Variants in CDYL observed in about 807,000 individuals in gnomAD.
CDYL encodes chromodomain Y like.
CDYL carries 8 observed loss-of-function variants against 47.3 expected under a neutral mutation model. The observed-to-expected ratio is 0.17, with a 90% CI of 0.10 to 0.31. CDYL has a LOEUF of 0.31. Ranked by LOEUF, CDYL falls within the 10% of genes least tolerant of loss-of-function variation. The pLI is 1.00. For synonymous variants in CDYL, 266 were observed against 265.0 expected, an observed-to-expected ratio of 1.00 and a Z score of -0.04; for missense variants, 471 against 701.4, an observed-to-expected ratio of 0.67 and a Z score of 3.71.
intron 1 of CDYL, among the ~76,000 whole-genome samples, chr6:4,785,983 C>T (rs372246456): frequency 1.3e-5 from 2 of 152,312 alleles, no homozygotes; most frequent in East Asian, 3.9e-4. Context: ...AAAGAAAAGG[C>T]ATATGTTGCA....
intron 5 of CDYL, among the ~76,000 whole-genome samples, chr6:4,951,590 C>T (rs1420685185): frequency 6.6e-6 from 1 of 151,746 alleles, no homozygotes; most frequent in Non-Finnish European, 1.5e-5. Context: ...TGTAGCCAGC[C>T]CCTCAAGCAG....
chr6:4,859,478 G>A lies in CDYL; in HGVS notation c.25-32235G>A, dbSNP rs896763036. Among the ~76,000 whole-genome samples the A allele has an allele frequency of 3.3e-5, 5 of 152,118 alleles. No individual in the cohort carries two copies. In the East Asian group the frequency reaches 5.8e-4, roughly 18 times the overall value. On this transcript the variant is annotated intron_variant, in intron 1 of 6. Transcript: ENST00000397588. ...GCCACGGTCCCCTGGCAGAGCCAAC[G>A]GTGGTCTCCAGAGCGCTACCACACT...
At chr6:4,897,938 T>G (rs1762334345) in intron 2 of CDYL, among the ~76,000 whole-genome samples, 1 of 151,898 alleles carries the variant, frequency 6.6e-6, no homozygotes, top group Non-Finnish European at 1.5e-5. Context: ...GTGCCTGTAG[T>G]CCCAGCTACT....
chr6:4,837,248 A>G (rs896044977), intron 1 of CDYL, among the ~76,000 whole-genome samples: 1 of 152,254 alleles, frequency 6.6e-6, no homozygotes, highest in African/African-American at 2.4e-5. Flanking sequence ...ATAATTTATC[A>G]TTCAAATGGA....
chr6:4,811,951 C>T (rs771784198), intron 1 of CDYL, among the ~76,000 whole-genome samples: 8 of 152,176 alleles, frequency 5.3e-5, no homozygotes, highest in Non-Finnish European at 8.8e-5. Context: ...CCTTCCACAT[C>T]ATCTCCTGTG....
At chr6:4,887,672 C>G (rs1005905603) in intron 1 of CDYL, among the ~76,000 whole-genome samples, 3 of 151,964 alleles carry the variant, frequency 2.0e-5, no homozygotes, top group African/African-American at 7.3e-5. Context: ...ATTCAGATAC[C>G]TTTGTGTTTC....
intron 3 of CDYL, 108 bp downstream of exon 3, chr6:4,935,879 G>A: frequency 6.6e-7 from 1 of 1,520,676 alleles, no homozygotes. Context: ...ACCTCCTTTT[G>A]GGCCATCTCC....
chr6:4,858,960 G>A (rs1761088733), intron 1 of CDYL, among the ~76,000 whole-genome samples: 1 of 152,236 alleles, frequency 6.6e-6, no homozygotes, highest in South Asian at 2.1e-4. Flanking sequence ...TTAAATGTCA[G>A]CTACCTGCAG....
At chr6:4,910,034 CCT>C (rs1757363134) in intron 2 of CDYL, among the ~76,000 whole-genome samples, 1 of 46,426 alleles carries the variant, frequency 2.2e-5, no homozygotes, top group Non-Finnish European at 4.7e-5. Context: ...TACACACATA[CCT>C]TTTTTTTTTT....
chr6:4,786,896 A>G (rs191182933), intron 1 of CDYL, among the ~76,000 whole-genome samples: 3 of 152,122 alleles, frequency 2.0e-5, no homozygotes, highest in Admixed American at 1.3e-4. Context: ...ATTTTCAGCC[A>G]TCTGCCAGGT....
chr6:4,860,339 C>T (rs1761128305), intron 1 of CDYL, among the ~76,000 whole-genome samples: 3 of 151,686 alleles, frequency 2.0e-5, no homozygotes, highest in Non-Finnish European at 4.4e-5. Flanking sequence ...ATATTCCCCT[C>T]ACTCCCCCCT....
chr6:4,782,894 T>C (rs1758653895), intron 1 of CDYL, among the ~76,000 whole-genome samples: 1 of 152,232 alleles, frequency 6.6e-6, no homozygotes, highest in Admixed American at 6.5e-5. Context: ...GTTTAGAAGT[T>C]GTATGCTATT....
chr6:4,903,941 A>G (rs1283779127), intron 2 of CDYL, among the ~76,000 whole-genome samples: 1 of 152,186 alleles, frequency 6.6e-6, no homozygotes, highest in Non-Finnish European at 1.5e-5. Context: ...CATGTACCAC[A>G]TGGCAGGCAG....
intron 1 of CDYL, among the ~76,000 whole-genome samples, chr6:4,792,728 G>T (rs150239393): frequency 6.6e-6 from 1 of 152,128 alleles, no homozygotes; most frequent in Admixed American, 6.5e-5. Context: ...GAGCCACCGC[G>T]CCTGGCTTCT....
intron 1 of CDYL, among the ~76,000 whole-genome samples, chr6:4,789,490 G>A (rs1758859171): frequency 6.6e-6 from 1 of 152,084 alleles, no homozygotes; most frequent in South Asian, 2.1e-4. Flanking sequence ...GGCCCTGGCA[G>A]CCTCCCCGCC....
At chr6:4,797,715 C>T (rs1222965644) in intron 1 of CDYL, among the ~76,000 whole-genome samples, 1 of 152,180 alleles carries the variant, frequency 6.6e-6, no homozygotes, top group Non-Finnish European at 1.5e-5. Flanking sequence ...ACTTCTTTCA[C>T]TTAGCAGAAT....
intron 1 of CDYL, among the ~76,000 whole-genome samples, chr6:4,875,768 C>T (rs1452679446): frequency 6.6e-6 from 1 of 152,022 alleles, no homozygotes; most frequent in Non-Finnish European, 1.5e-5. Flanking sequence ...AAACATACAA[C>T]TAAGTTGAAA....
rs1239852899 is a variant in CDYL at position 4,954,152 on chromosome 6, G to C, written c.*96G>C. ...GATCCATTCTCACAGCCTGAAACAA[G>C]CTCACCCGTAGCTTACGCTTGGAAG... On this transcript the variant is annotated 3_prime_UTR_variant, in exon 7 of 7. Transcript: ENST00000397588. 7.4e-7 allele frequency: 1 copy of C among 1,357,620 alleles called. No homozygotes were observed. The highest frequency in any genetic ancestry group is 1.0e-6 in the Non-Finnish European group (1 of 996,418). The allele number at this position is 1,357,620 out of a possible 1,614,324, so 84.1% of individuals were successfully genotyped here. A position where few individuals can be genotyped will look rare whatever the true frequency, so the allele number is the denominator to read the frequency against.
chr6:4,884,108 A>G (rs1761837691), intron 1 of CDYL, among the ~76,000 whole-genome samples: 1 of 152,242 alleles, frequency 6.6e-6, no homozygotes, highest in Non-Finnish European at 1.5e-5. Flanking sequence ...GGAAGCATTC[A>G]TTAATGGATG....
Sources: gnomAD v4.1 joint callset for allele counts (sites outside exome capture counted in the v4.1 genomes callset) on GRCh38, gnomAD v4.1.1 for gene constraint, MANE v1.5 for transcripts, NCBI Gene and HGNC (gene_info 2026-07-23, HGNC 2026-07-21) for gene names.